The following RNF151 variants were observed in gnomAD, a reference collection of about 807,000 sequenced individuals.
RNF151 encodes ring finger protein 151.
A neutral mutation model predicts 11.1 loss-of-function variants in RNF151; 9 were observed. The ratio of observed to expected loss-of-function variants is 0.81; its 90% confidence interval spans 0.49 to 1.42. The LOEUF is 1.42. Among genes scored for constraint, RNF151 ranks in the 40% most tolerant of loss-of-function variants. The pLI, the probability that RNF151 is intolerant of heterozygous loss-of-function variation, is 0.00. For synonymous variants in RNF151, 172 were observed against 140.7 expected (o/e 1.22, Z -1.58); for missense variants, 372 against 342.9 (o/e 1.08, Z -0.67).
chr16:1,967,552 T>C (rs553380711), intron 2 of RNF151, 133 bp downstream of exon 2: 5 of 977,366 alleles, frequency 5.1e-6, no homozygotes, highest in Non-Finnish European at 7.7e-6. Context: ...GTGTGTACCC[T>C]CACTCAGTAG....
Position 1,968,799 on chromosome 16 carries a change from C to A in RNF151, c.612C>A (p.Ser204Arg). 3.1e-6 allele frequency: 5 copies of A among 1,593,054 alleles called. No individual in the cohort carries two copies. The highest frequency in any genetic ancestry group is 4.3e-6 in the Non-Finnish European group (5 of 1,170,604). ...TTCGTAGAGAGCTGGCGGAGCTCAG[C>A]AACTTCCTGGAGGAAGACACCGCTC... The part of the protein sequence containing the change: ...SVVRRELAEL[S>R]NFLEEDTALL... The change falls in exon 4 of 4, where the codon AGC (serine) becomes AGA (arginine). Residue 204 changes from serine to arginine, a missense_variant. Ser to Arg is a moderately radical substitution (Grantham distance 110, BLOSUM62 -1). Coordinates refer to ENST00000569714, the MANE Select transcript of RNF151 (RefSeq NM_174903.6).
In RNF151 at chr16:1,967,384, C is replaced by T; in HGVS notation, c.114C>T (p.Ile38=). Residue 38 remains isoleucine, a synonymous_variant, in exon 2 of 4, where the codon ATC becomes ATT. Transcript: ENST00000569714. ...KRPARLPCSH[I]FCKKCILRWL... The stretch of plus-strand genomic sequence containing the variant: ...CAGCAAGGTTGCCATGCAGCCACAT[C>T]TTCTGCAAAAAGTGCATCCTCCGGT... The T allele has an allele frequency of 2.5e-6, 4 of 1,613,608 alleles. No homozygotes were observed. Among genetic ancestry groups the T allele is most frequent in the Non-Finnish European group, 3.4e-6 (4 of 1,179,810 alleles).
At chr16:1,967,237 A>G in intron 1 of RNF151, 37 bp from the exon 2 acceptor site, 1 of 1,596,724 alleles carries the variant, frequency 6.3e-7, no homozygotes, top group Non-Finnish European at 8.5e-7. Flanking sequence ...GGACTGGATC[A>G]CTGTCCCAGC....
chr16:1,967,228 G>C, intron 1 of RNF151, 46 bp from the exon 2 acceptor site: 1 of 1,591,024 alleles, frequency 6.3e-7, no homozygotes, highest in South Asian at 1.1e-5. Context: ...GTGGACCAGG[G>C]ACTGGATCAC....
In RNF151 at chr16:1,968,656, C is replaced by A. The variant is rs374611272; in HGVS notation, c.469C>A (p.Arg157Ser). The change falls in exon 4 of 4, where the codon CGC (arginine) becomes AGC (serine). Residue 157 changes from arginine to serine, a missense_variant. Coordinates refer to ENST00000569714, the MANE Select transcript of RNF151 (RefSeq NM_174903.6). Reference protein sequence around the residue: ...GATLDPAERARHNCYRELHNA... With the variant: ...GATLDPAERASHNCYRELHNA... ...CACCCTGGACCCGGCCGAGCGTGCT[C>A]GCCACAACTGCTACCGGGAGCTGCA... 6.4e-7 allele frequency: 1 copy of A among 1,566,976 alleles called. No individual in the cohort carries two copies. The highest frequency in any genetic ancestry group is 8.6e-7 in the Non-Finnish European group (1 of 1,156,886).
At position 1,968,569 on chromosome 16, in the gene RNF151, G is replaced by A. The variant is rs1256331594; in HGVS notation, c.382G>A (p.Ala128Thr). ...CTSQVPRGTL[A>T]EHRQHCQQGS... ...CTCGCAGGTGCCGCGTGGGACCCTG[G>A]CAGAGCACCGGCAGCATTGCCAGCA... Residue 128 changes from alanine (A) to threonine (T), a missense_variant, in exon 4 of 4, where the codon GCA becomes ACA. By Grantham distance (58) the Ala-to-Thr change is moderately conservative. Transcript: ENST00000569714. The A allele has an allele frequency of 6.9e-6, 11 of 1,604,852 alleles. No homozygotes were observed. Among genetic ancestry groups the A allele is most frequent in the Middle Eastern group, 1.7e-4 (1 of 6,032 alleles).
At position 1,968,830 on chromosome 16, in the gene RNF151, G is replaced by A. The variant is rs778386573; in HGVS notation, c.643G>A (p.Glu215Lys). ...NFLEEDTALLEGAPQEEAEAA... is the reference protein window; with the variant it reads ...NFLEEDTALLKGAPQEEAEAA... ...CCTGGAGGAAGACACCGCTCTGCTG[G>A]AGGGTGCCCCACAGGAGGAGGCCGA... Residue 215 changes from glutamate (E) to lysine (K), a missense_variant, in exon 4 of 4, where the codon GAG becomes AAG. Coordinates refer to ENST00000569714, the MANE Select transcript of RNF151 (RefSeq NM_174903.6). The A allele has an allele frequency of 6.3e-7, 1 of 1,594,390 alleles. No homozygotes were observed. The highest frequency in any genetic ancestry group is 8.5e-7 in the Non-Finnish European group (1 of 1,171,278).
rs751675205 is a variant in RNF151, at chr16:1,968,507, C to T, written c.320C>T (p.Pro107Leu). The stretch of plus-strand genomic sequence containing the variant: ...CGCAAGGGGCACCAGGACTCATGCC[C>T]CTTTGAGCTAACGGCCTGCCCCAAC... ...AHRKGHQDSCPFELTACPNEG... is the reference protein window; with the variant it reads ...AHRKGHQDSCLFELTACPNEG... Residue 107 changes from proline to leucine, a missense_variant, in exon 4 of 4, where the codon CCC becomes CTC. Physicochemically the swap from Pro to Leu is moderately conservative, Grantham distance 98. Coordinates refer to ENST00000569714, the MANE Select transcript of RNF151 (RefSeq NM_174903.6). 6.2e-7 allele frequency: 1 copy of T among 1,608,194 alleles called. No homozygotes were observed. Among genetic ancestry groups the T allele is most frequent in the East Asian group, 2.2e-5 (1 of 44,594 alleles).
chr16:1,968,728 T>A lies in RNF151; in HGVS notation c.541T>A (p.Ser181Thr). ...RQERRRPLLL[S>T]LLRRVRWLDQ... ...GGAGCGCCGTCGGCCCCTGCTGCTGTCCCTCCTGCGGCGTGTGCGCTGGCT... is the reference window on the plus strand; with the variant it reads ...GGAGCGCCGTCGGCCCCTGCTGCTGACCCTCCTGCGGCGTGTGCGCTGGCT... The change falls in exon 4 of 4, where the codon TCC (serine) becomes ACC (threonine). Residue 181 changes from serine to threonine, a missense_variant. Coordinates refer to ENST00000569714, the MANE Select transcript of RNF151 (RefSeq NM_174903.6). 1.9e-6 allele frequency: 3 copies of A among 1,570,138 alleles called. No individual in the cohort carries two copies. Among genetic ancestry groups the A allele is most frequent in the Non-Finnish European group, 2.6e-6 (3 of 1,158,590 alleles).
chr16:1,968,646 C>T lies in RNF151; in HGVS notation c.459C>T (p.Ala153=), dbSNP rs376338492. 82 of 1,565,474 alleles carry T rather than the reference C, an allele frequency of 5.2e-5. No homozygotes were observed. The highest frequency in any genetic ancestry group is 6.1e-5 in the Non-Finnish European group (71 of 1,156,140). The part of the protein sequence containing the change: ...PLGCGATLDP[A]ERARHNCYRE... The stretch of plus-strand genomic sequence containing the variant: ...GCTGCGGGGCCACCCTGGACCCGGC[C>T]GAGCGTGCTCGCCACAACTGCTACC... The change falls in exon 4 of 4, where the codon GCC becomes GCT. Residue 153 remains alanine (A), a synonymous_variant. Transcript: ENST00000569714.
chr16:1,967,129 C>A, intron 1 of RNF151, 145 bp from the exon 2 acceptor site: 1 of 1,141,428 alleles, frequency 8.8e-7, no homozygotes, highest in Non-Finnish European at 1.2e-6. Flanking sequence ...CAGCTGCCCC[C>A]TCAAAGTGGG....
In RNF151 at chr16:1,968,501, C is replaced by T; in HGVS notation, c.314C>T (p.Ser105Leu). 1 of 1,606,082 alleles carries T rather than the reference C, an allele frequency of 6.2e-7. No individual in the cohort carries two copies. The highest frequency in any genetic ancestry group is 1.3e-5 in the African/African-American group (1 of 74,802). Reference protein sequence around the residue: ...PLAHRKGHQDSCPFELTACPN... With the variant: ...PLAHRKGHQDLCPFELTACPN... ...GCCCATCGCAAGGGGCACCAGGACTCATGCCCCTTTGAGCTAACGGCCTGC... is the reference window on the plus strand; with the variant it reads ...GCCCATCGCAAGGGGCACCAGGACTTATGCCCCTTTGAGCTAACGGCCTGC... Residue 105 changes from serine (S) to leucine (L), a missense_variant, in exon 4 of 4, where the codon TCA (serine) becomes TTA (leucine). Physicochemically the swap from Ser to Leu is moderately radical, Grantham distance 145 (BLOSUM62 -2). Coordinates refer to ENST00000569714, the MANE Select transcript of RNF151 (RefSeq NM_174903.6).
chr16:1,967,970 T>A (rs2083326411), intron 3 of RNF151, 149 bp downstream of exon 3: 1 of 719,464 alleles, frequency 1.4e-6, no homozygotes, highest in African/African-American at 1.7e-5. Context: ...GTTTGGATCG[T>A]GGCTCTACTG....
In RNF151 at chr16:1,968,525, G is replaced by A. The variant is rs1597043972; in HGVS notation, c.338G>A (p.Cys113Tyr). Residue 113 changes from cysteine to tyrosine, a missense_variant, in exon 4 of 4, where the codon TGC becomes TAC. Cys to Tyr is a radical substitution (Grantham distance 194). Coordinates refer to ENST00000569714, the MANE Select transcript of RNF151 (RefSeq NM_174903.6). The stretch of plus-strand genomic sequence containing the variant: ...TCATGCCCCTTTGAGCTAACGGCCT[G>A]CCCCAACGAGGGCTGCACCTCGCAG... ...QDSCPFELTA[C>Y]PNEGCTSQVP... 1.2e-6 allele frequency: 2 copies of A among 1,609,206 alleles called. No homozygotes were observed. The highest frequency in any genetic ancestry group is 2.2e-5 in the East Asian group (1 of 44,698).
chr16:1,967,121 G>T, intron 1 of RNF151, 153 bp from the exon 2 acceptor site: 3 of 569,696 alleles, frequency 5.3e-6, no homozygotes, highest in Non-Finnish European at 6.7e-6. Flanking sequence ...AACCCCCACA[G>T]CTGCCCCCTC....
chr16:1,968,423 T>C lies in RNF151; in HGVS notation c.247-11T>C. On this transcript the variant is annotated splice_polypyrimidine_tract_variant and intron_variant, in intron 3 of 3. Coordinates refer to ENST00000569714, the MANE Select transcript of RNF151 (RefSeq NM_174903.6). ...TGCCCGGTTTCTTCACACGTTCTCC[T>C]TCACCCTCAGTGCAAGAACGCCGAC... 1.3e-6 allele frequency: 2 copies of C among 1,533,198 alleles called. No individual in the cohort carries two copies. Among genetic ancestry groups the C allele is most frequent in the Non-Finnish European group, 8.8e-7 (1 of 1,136,438 alleles). 95.0% of individuals were successfully genotyped at this position (1,533,198 alleles called of 1,614,324 possible).
intron 1 of RNF151, 123 bp from the exon 2 acceptor site, chr16:1,967,151 C>T (rs759428871): frequency 9.9e-6 from 13 of 1,316,542 alleles, no homozygotes; most frequent in Non-Finnish European, 1.4e-5. Flanking sequence ...GCTGAGCCAA[C>T]CCCTTTACTT....
chr16:1,967,257 A>T lies in RNF151; in HGVS notation c.4-17A>T. ...GGATCACTGTCCCAGCCAGGTGCTGACACCTGGCCTTTGCAGGGTGGCGGG... is the reference window on the plus strand; with the variant it reads ...GGATCACTGTCCCAGCCAGGTGCTGTCACCTGGCCTTTGCAGGGTGGCGGG... On this transcript the variant is annotated splice_polypyrimidine_tract_variant and intron_variant, in intron 1 of 3. Transcript: ENST00000569714. 1 of 1,608,730 alleles carries T rather than the reference A, an allele frequency of 6.2e-7. No homozygotes were observed. Among genetic ancestry groups the T allele is most frequent in the Non-Finnish European group, 8.5e-7 (1 of 1,177,192 alleles).
chr16:1,967,269 T>C lies in RNF151; in HGVS notation c.4-5T>C. ...CAGCCAGGTGCTGACACCTGGCCTT[T>C]GCAGGGTGGCGGGTATGATCTCAAC... On this transcript the variant is annotated splice_region_variant and splice_polypyrimidine_tract_variant and intron_variant, in intron 1 of 3. Transcript: ENST00000569714. The C allele has an allele frequency of 6.2e-7, 1 of 1,612,330 alleles. No individual in the cohort carries two copies. Among genetic ancestry groups the C allele is most frequent in the Non-Finnish European group, 8.5e-7 (1 of 1,179,256 alleles).
Sources: gnomAD v4.1 joint callset for allele counts on GRCh38, gnomAD v4.1.1 for gene constraint, MANE v1.5 for transcripts, NCBI Gene and HGNC (gene_info 2026-07-23, HGNC 2026-07-21) for gene names.